PLEKHG5: variants seen among roughly 807,000 people sequenced by gnomAD.
The protein encoded by PLEKHG5 is pleckstrin homology and RhoGEF domain containing G5.
A neutral mutation model predicts 103.8 loss-of-function variants in PLEKHG5; 52 were observed. That is an observed-to-expected ratio of 0.50 (90% confidence interval 0.40 to 0.63). PLEKHG5 has a LOEUF of 0.63. PLEKHG5 is among the 30% of genes least tolerant of loss of function. PLEKHG5 has a pLI of 0.00. For synonymous variants in PLEKHG5, 592 were observed against 575.5 expected (o/e 1.03, Z -0.41); for missense variants, 1,205 against 1,347.6 (o/e 0.89, Z 1.66).
intron 1 of PLEKHG5, among the ~76,000 whole-genome samples, chr1:6,481,524 AAAATAAATAAATAAATAAAT>A (rs199883420): frequency 3.5e-5 from 5 of 144,214 alleles, no homozygotes; most frequent in African/African-American, 7.8e-5. Context: ...ACTCCGTCTC[AAAATAAATAAATAAATAAAT>A]AAATAAATAA....
chr1:6,497,448 C>G (rs1645245083), upstream of PLEKHG5: 1 of 339,886 alleles, frequency 2.9e-6, no homozygotes, highest in Non-Finnish European at 4.1e-6. The surrounding 1 kb of genome is among the most constrained non-coding windows in gnomAD (Gnocchi z 6.1). Context: ...GGCAGGTGGG[C>G]GGGGAGGAGC....
chr1:6,469,048 T>G lies in PLEKHG5; in HGVS notation c.2243A>C (p.Gln748Pro). 6.2e-7 allele frequency: 1 copy of G among 1,613,408 alleles called. No individual in the cohort carries two copies. Among genetic ancestry groups the G allele is most frequent in the Non-Finnish European group, 8.5e-7 (1 of 1,179,802 alleles). ...TGGTCATGAGCAGACGTACCAGTGC[T>G]GAGAGTCGGGGCTGCCGCTGCTTTT... ...MRKSSGSPDSQHCASDGSTET... is the reference protein window; with the variant it reads ...MRKSSGSPDSPHCASDGSTET... Residue 748 changes from glutamine to proline, a missense_variant, in exon 19 of 21, where the codon CAG becomes CCG. Transcript: ENST00000377728.
In PLEKHG5 at chr1:6,505,128, A is replaced by C. The variant is rs1444226797; in HGVS notation, c.-164-8559T>G. 6.6e-6 allele frequency among the ~76,000 whole-genome samples: 1 copy of C among 152,186 alleles called. No individual in the cohort carries two copies. The highest frequency in any genetic ancestry group is 1.5e-5 in the Non-Finnish European group (1 of 68,032). ...CCAGGCCCAGGCCCCGGCCCCAGAC[A>C]GTTCCACAGTGCTGGGAGCTGGAGA... is the stretch of plus-strand genomic sequence containing the variant. On this transcript the variant is annotated intron_variant, in intron 1 of 21. Coordinates refer to the PLEKHG5 transcript ENST00000377740. This position sits in a 1 kb window ranked among gnomAD's most constrained non-coding sequence, Gnocchi z 4.2.
chr1:6,494,331 A>G (rs147341877), upstream of PLEKHG5, among the ~76,000 whole-genome samples: 1,021 of 151,574 alleles, frequency 6.7e-3, 16 homozygotes, highest in African/African-American at 0.023. Flanking sequence ...GGGTTTCGCC[A>G]TGTTGGCCAG....
chr1:6,509,470 C>T (rs572178549), intron 1 of PLEKHG5, among the ~76,000 whole-genome samples: 50 of 152,344 alleles, frequency 3.3e-4, no homozygotes, highest in African/African-American at 1.1e-3. Flanking sequence ...CGCAAGGTCT[C>T]GCTGAGTAAG....
chr1:6,512,505 G>A lies in PLEKHG5; in HGVS notation c.-165+6940C>T, dbSNP rs374554277. On this transcript the variant is annotated intron_variant, in intron 1 of 21. Coordinates refer to the PLEKHG5 transcript ENST00000377740. ...GACAGTGGGGCCCTCAGGCCCACTC[G>A]GCTCACCAGCAGGGTGGGAGGCCCA... 1.8e-3 allele frequency among the ~76,000 whole-genome samples: 273 copies of A among 152,308 alleles called. 6 individuals carry two copies. In the South Asian group the frequency reaches 0.043, roughly 24 times the overall value.
At chr1:6,498,827 C>A (rs1645264131), upstream of PLEKHG5, among the ~76,000 whole-genome samples, 1 of 152,254 alleles carries the variant, frequency 6.6e-6, no homozygotes, top group Non-Finnish European at 1.5e-5. Context: ...ATCCAAGGGG[C>A]CAGCGATGCC....
At position 6,505,226 on chromosome 1, in the gene PLEKHG5, G is replaced by A. The variant is rs953077357; in HGVS notation, c.-164-8657C>T. 6.6e-6 allele frequency among the ~76,000 whole-genome samples: 1 copy of A among 152,126 alleles called. No individual in the cohort carries two copies. Among genetic ancestry groups the A allele is most frequent in the African/African-American group, 2.4e-5 (1 of 41,410 alleles). ...GCACCAAAGCTCCCTGACAGAGCTA[G>A]GTCCCCAGCCCACAGTGCCGGTCAG... On this transcript the variant is annotated intron_variant, in intron 1 of 21. Coordinates refer to the PLEKHG5 transcript ENST00000377740. The surrounding 1 kb of genome is among the most constrained non-coding windows in gnomAD (Gnocchi z 4.2).
At chr1:6,473,811 A>G (rs571549472) in intron 7 of PLEKHG5, among the ~76,000 whole-genome samples, 10 of 152,272 alleles carry the variant, frequency 6.6e-5, no homozygotes, top group Middle Eastern at 3.4e-3. Context: ...AGTCTCAGAT[A>G]CAAGCCCTCA....
At position 6,487,266 on chromosome 1, in the gene PLEKHG5, C is replaced by T. The variant is rs1645059302; in HGVS notation, c.-88+4371G>A. The stretch of plus-strand genomic sequence containing the variant: ...CAGTAGCTGGGATTACAGGCGCCCG[C>T]CACTACACCCAGCTACTTTTTGTAT... On this transcript the variant is annotated intron_variant, in intron 1 of 20. Transcript: ENST00000377728. The surrounding 1 kb of genome is among the most constrained non-coding windows in gnomAD (Gnocchi z 4.1). Among the ~76,000 whole-genome samples the T allele has an allele frequency of 6.6e-6, 1 of 152,192 alleles. No individual in the cohort carries two copies. Among genetic ancestry groups the T allele is most frequent in the South Asian group, 2.1e-4 (1 of 4,830 alleles).
Position 6,490,490 on chromosome 1 carries a change from G to T in PLEKHG5, c.-88+1147C>A. The T allele has an allele frequency of 1.0e-6, 1 of 952,652 alleles. No homozygotes were observed. The highest frequency in any genetic ancestry group is 1.2e-6 in the Non-Finnish European group (1 of 809,988). The allele number at this position is 952,652 out of a possible 1,614,324, so 59.0% of individuals were successfully genotyped here. On this transcript the variant is annotated intron_variant, in intron 1 of 20. Transcript: ENST00000377728. The surrounding 1 kb of genome is among the most constrained non-coding windows in gnomAD (Gnocchi z 8.0). ...TCCTCCCCGGTGTCTAAGGCTCTAA[G>T]GCTCGGGCCGAGACTGCCAAAGCCT...
At chr1:6,495,304 C>T (rs1469803672), upstream of PLEKHG5, among the ~76,000 whole-genome samples, 4 of 152,368 alleles carry the variant, frequency 2.6e-5, no homozygotes, top group Admixed American at 6.5e-5. Context: ...CTGGTGACCA[C>T]GGCAACTGGA....
rs955452708 is a variant in PLEKHG5 at position 6,470,346 on chromosome 1, C to G, written c.1690G>C (p.Glu564Gln). The change falls in exon 16 of 21, where the codon GAA becomes CAA. Residue 564 changes from glutamate to glutamine, a missense_variant. Coordinates refer to ENST00000377728, the MANE Select transcript of PLEKHG5 (RefSeq NM_020631.6). ...GCTGTCAAGTCCAGGTGCAGAAATTCCTTCAGGAGCTGGGGACGGATGGCG... is the reference window on the plus strand; with the variant it reads ...GCTGTCAAGTCCAGGTGCAGAAATTGCTTCAGGAGCTGGGGACGGATGGCG... ...SSDEVDKLLK[E>Q]FLHLDLTAPI... 2.5e-6 allele frequency: 4 copies of G among 1,613,908 alleles called. No homozygotes were observed. In the African/African-American group the frequency reaches 4.0e-5, roughly 16 times the overall value.
At chr1:6,474,390 G>A (rs1339979171) in intron 6 of PLEKHG5, 61 bp downstream of exon 6, 12 of 1,593,050 alleles carry the variant, frequency 7.5e-6, no homozygotes, top group South Asian at 6.7e-5. Context: ...TGGGAAGGGC[G>A]CCCATCTCCA....
chr1:6,485,479 C>T (rs1207007031), intron 1 of PLEKHG5: 4 of 1,243,794 alleles, frequency 3.2e-6, no homozygotes, highest in South Asian at 3.4e-5. Flanking sequence ...CGCCGCCCGC[C>T]GGACAAAGCG....
At chr1:6,516,144 A>C (rs936903903) in intron 1 of PLEKHG5, among the ~76,000 whole-genome samples, 1 of 152,104 alleles carries the variant, frequency 6.6e-6, no homozygotes, top group Non-Finnish European at 1.5e-5. Flanking sequence ...AGAATGAAAA[A>C]CTGGGCTGGG....
At chr1:6,469,314 C>T (rs1644496317) in intron 18 of PLEKHG5, 21 bp downstream of exon 18, 2 of 1,612,904 alleles carry the variant, frequency 1.2e-6, no homozygotes, top group Non-Finnish European at 1.7e-6. Flanking sequence ...CTTGCCCACC[C>T]ACTCACTACT....
chr1:6,477,653 A>G lies in PLEKHG5; in HGVS notation c.-82T>C. The stretch of plus-strand genomic sequence containing the variant: ...GCAGCTGCTGGCAGTCGGCGTGGTG[A>G]CATACCTGGGGTGGGGACAGAAGCC... On this transcript the variant is annotated 5_prime_UTR_variant, in exon 2 of 21. Transcript: ENST00000377728. 1 of 1,603,908 alleles carries G rather than the reference A, an allele frequency of 6.2e-7. No homozygotes were observed.
chr1:6,476,555 T>C (rs1187090023), intron 2 of PLEKHG5, among the ~76,000 whole-genome samples: 2 of 152,146 alleles, frequency 1.3e-5, no homozygotes, highest in African/African-American at 2.4e-5. Context: ...ATGACACCCA[T>C]GGTGAAGCTC....
Sources: allele counts gnomAD v4.1 joint callset (sites outside exome capture counted in the v4.1 genomes callset), GRCh38; gene constraint gnomAD v4.1.1; non-coding constraint Gnocchi (gnomAD v3.1); transcripts MANE v1.5; gene names NCBI Gene and HGNC (gene_info 2026-07-23, HGNC 2026-07-21).